Variants in SLC6A18 observed in about 807,000 individuals in gnomAD.
SLC6A18 encodes solute carrier family 6 member 18.
SLC6A18 carries 58 observed loss-of-function variants against 62.9 expected under a neutral mutation model. The observed-to-expected ratio is 0.92, with a 90% CI of 0.75 to 1.15. SLC6A18 has a LOEUF of 1.15. Ranked by LOEUF, SLC6A18 falls within the 50% of genes most tolerant of loss-of-function variation. The pLI is 0.00. For synonymous variants in SLC6A18, 382 were observed against 365.8 expected (o/e 1.04, Z -0.51); for missense variants, 793 against 836.6 (o/e 0.95, Z 0.64).
At position 1,232,212 on chromosome 5, in the gene SLC6A18, C is replaced by T. The variant is rs752109072; in HGVS notation, c.161-7C>T. 6.2e-7 allele frequency: 1 copy of T among 1,609,208 alleles called. No individual in the cohort carries two copies. The highest frequency in any genetic ancestry group is 8.5e-7 in the Non-Finnish European group (1 of 1,177,850). On this transcript the variant is annotated splice_polypyrimidine_tract_variant and splice_region_variant and intron_variant, in intron 1 of 11. Transcript: ENST00000324642. ...CTGGGCAGGTGCTGACCACCCCCTC[C>T]TCACAGGGGCCTTCCTCATCCCCTA... is the stretch of plus-strand genomic sequence containing the variant.
intron 1 of SLC6A18, 116 bp from the exon 2 acceptor site, chr5:1,232,103 C>T: frequency 1.1e-6 from 1 of 907,630 alleles, no homozygotes; most frequent in Non-Finnish European, 1.7e-6. Context: ...AAGTGGTGCC[C>T]CCAACATTCA....
At chr5:1,225,740 G>A in intron 1 of SLC6A18, 103 bp downstream of exon 1, 1 of 1,380,286 alleles carries the variant, frequency 7.2e-7, no homozygotes, top group Non-Finnish European at 9.7e-7. Context: ...CTTGGGCAGA[G>A]TCACTCCTCC....
intron 7 of SLC6A18, 136 bp from the exon 8 acceptor site, chr5:1,242,571 G>T (rs546710115): frequency 6.6e-6 from 8 of 1,217,096 alleles, no homozygotes. Context: ...GGCAGGAGGG[G>T]CCCACACGAT....
At chr5:1,239,337 A>G (rs948481477) in intron 5 of SLC6A18, 113 bp from the exon 6 acceptor site, 2 of 745,152 alleles carry the variant, frequency 2.7e-6, no homozygotes, top group Non-Finnish European at 4.7e-6. Flanking sequence ...TGTACAGGTC[A>G]CACTTGCTCA....
chr5:1,232,813 G>T lies in SLC6A18; in HGVS notation c.364G>T (p.Val122Leu). 6.2e-7 allele frequency: 1 copy of T among 1,613,492 alleles called. No homozygotes were observed. Among genetic ancestry groups the T allele is most frequent in the Non-Finnish European group, 8.5e-7 (1 of 1,180,006 alleles). Residue 122 changes from valine to leucine, a missense_variant, in exon 3 of 12, where the codon GTG becomes TTG. Transcript: ENST00000324642. ...GTACTACAACACCATCGTGGCGTGG[G>T]TGCTGTGGTACCTCCTCAACTCCTT... is the stretch of plus-strand genomic sequence containing the variant. ...SLYYNTIVAW[V>L]LWYLLNSFQH...
intron 3 of SLC6A18, 35 bp downstream of exon 3, chr5:1,232,923 C>G: frequency 6.3e-7 from 1 of 1,584,702 alleles, no homozygotes; most frequent in Non-Finnish European, 8.6e-7. Context: ...TGGGTCCGTG[C>G]ACGGCCGAGA....
At position 1,243,943 on chromosome 5, in the gene SLC6A18, G is replaced by A. The variant is rs902681145; in HGVS notation, c.1336+184G>A. 6.6e-6 allele frequency among the ~76,000 whole-genome samples: 1 copy of A among 152,148 alleles called. No individual in the cohort carries two copies. The highest frequency in any genetic ancestry group is 6.5e-5 in the Admixed American group (1 of 15,284). On this transcript the variant is annotated intron_variant, in intron 9 of 11. Transcript: ENST00000324642. The surrounding 1 kb of genome is among the most constrained non-coding windows in gnomAD (Gnocchi z 6.5). ...AACGGAGAGCCGAGGGTCGAGGGAGGGTCAGGGCTGCCCCTCCCCCACGGC... is the reference window on the plus strand; with the variant it reads ...AACGGAGAGCCGAGGGTCGAGGGAGAGTCAGGGCTGCCCCTCCCCCACGGC...
rs759240891 is a variant in SLC6A18 at position 1,246,083 on chromosome 5, G to A, written c.*5G>A. 3.6e-5 allele frequency: 56 copies of A among 1,560,912 alleles called. No individual in the cohort carries two copies. The Middle Eastern group carries it at 7.1e-4, about 20-fold the overall frequency. On this transcript the variant is annotated 3_prime_UTR_variant, in exon 12 of 12. Transcript: ENST00000324642. ...CCGGACACGGACATGCGCTGAAGCC[G>A]GCCGGAGCGGGGCCTGCATGGGCGG...
intron 6 of SLC6A18, 49 bp downstream of exon 6, chr5:1,239,611 C>A (rs140844704): frequency 1.9e-5 from 26 of 1,388,624 alleles, no homozygotes; most frequent in South Asian, 1.4e-4. Flanking sequence ...TGGGGAGACG[C>A]CCGAGCACTT....
At position 1,243,127 on chromosome 5, in the gene SLC6A18, G is replaced by C. The variant is rs1466873752; in HGVS notation, c.1131+264G>C. ...TGACCCGAGAGAGTGGGCATTGCTG[G>C]TGCCCAGACCCCAGGAGAGGGGGTG... On this transcript the variant is annotated intron_variant, in intron 8 of 11. Transcript: ENST00000324642. The surrounding 1 kb of genome is among the most constrained non-coding windows in gnomAD (Gnocchi z 6.5). Among the ~76,000 whole-genome samples, 1 of 152,336 alleles carries C rather than the reference G, an allele frequency of 6.6e-6. No homozygotes were observed. The highest frequency in any genetic ancestry group is 3.4e-3 in the Middle Eastern group (1 of 294).
At chr5:1,235,408 A>G in intron 3 of SLC6A18, 73 bp from the exon 4 acceptor site, 1 of 1,492,690 alleles carries the variant, frequency 6.7e-7, no homozygotes, top group South Asian at 1.2e-5. Flanking sequence ...GCCCAGGGAA[A>G]TTGAGCTCAA....
intron 1 of SLC6A18, among the ~76,000 whole-genome samples, chr5:1,228,778 G>A (rs1047002668): frequency 6.6e-6 from 1 of 152,224 alleles, no homozygotes; most frequent in African/African-American, 2.4e-5. Context: ...AGGCTGAGGT[G>A]GAAGGATGGC....
chr5:1,240,393 C>A, intron 6 of SLC6A18, 138 bp from the exon 7 acceptor site: 3 of 1,289,192 alleles, frequency 2.3e-6, no homozygotes, highest in Non-Finnish European at 3.2e-6. Context: ...GGACTGGCAG[C>A]AGCAGCCCTT....
In SLC6A18 at chr5:1,246,053, T is replaced by TGGGCCCGGACAC. The variant is rs1747214646; in HGVS notation, c.1863_1864insGGCCCGGACACG (p.Met621_Arg622insGlyProAspThr). The TGGGCCCGGACAC allele has an allele frequency of 6.3e-7, 1 of 1,586,498 alleles. No individual in the cohort carries two copies. Among genetic ancestry groups the TGGGCCCGGACAC allele is most frequent in the African/African-American group, 1.4e-5 (1 of 73,544 alleles). ...ACGGACACGCGCCCAGACACGGACA[T>TGGGCCCGGACAC]GCGCCCGGACACGGACATGCGCTGA... On this transcript the variant is annotated inframe_insertion, in exon 12 of 12. Coordinates refer to ENST00000324642, the MANE Select transcript of SLC6A18 (RefSeq NM_182632.3).
At chr5:1,239,044 G>GC (rs201007258) in intron 5 of SLC6A18, among the ~76,000 whole-genome samples, 7,516 of 152,314 alleles carry the variant, frequency 0.049, 236 homozygotes, top group Non-Finnish European at 0.061. Flanking sequence ...ACCTTCCCAG[G>GC]CCCCAGAAGC....
chr5:1,227,071 A>AC (rs2126523757), intron 1 of SLC6A18, among the ~76,000 whole-genome samples: 1 of 122,592 alleles, frequency 8.2e-6, no homozygotes, highest in East Asian at 2.3e-4. Context: ...TTGCCCGCCG[A>AC]CCCCTTGCCC....
intron 7 of SLC6A18, among the ~76,000 whole-genome samples, chr5:1,242,457 ACG>A: frequency 3.3e-5 from 1 of 29,878 alleles, no homozygotes; most frequent in South Asian, 1.8e-3. Context: ...AGGCGTCCAC[ACG>A]ATCCCAACAG....
chr5:1,235,029 A>G (rs1746847221), intron 3 of SLC6A18, among the ~76,000 whole-genome samples: 1 of 152,132 alleles, frequency 6.6e-6, no homozygotes, highest in Non-Finnish European at 1.5e-5. Context: ...CCCGTCAAGG[A>G]GGAAGTGGGA....
intron 3 of SLC6A18, among the ~76,000 whole-genome samples, chr5:1,233,823 G>C (rs1285229028): frequency 1.3e-5 from 2 of 150,872 alleles, no homozygotes; most frequent in Admixed American, 6.6e-5. Context: ...CTCACTGCAA[G>C]CTCTGCCTCC....
Sources: gnomAD v4.1 joint callset for allele counts (sites outside exome capture counted in the v4.1 genomes callset) on GRCh38, gnomAD v4.1.1 for gene constraint, Gnocchi (gnomAD v3.1) non-coding constraint, MANE v1.5 for transcripts, NCBI Gene and HGNC (gene_info 2026-07-23, HGNC 2026-07-21) for gene names.